Variants in ACYP2 observed in about 807,000 individuals in gnomAD.
ACYP2 encodes acylphosphatase-2.
In ACYP2, 12 loss-of-function variants were observed where a neutral mutation model predicts 11.2. That is an observed-to-expected ratio of 1.08 (90% confidence interval 0.69 to 1.74). The LOEUF (loss-of-function observed/expected upper bound fraction) is 1.74. Ranked by LOEUF, ACYP2 falls within the 40% of genes most tolerant of loss-of-function variation. The probability of loss-of-function intolerance (pLI) is 0.00; values close to 1 mark genes in which losing one functional copy is unlikely to be tolerated. For missense variants in ACYP2, 134 were observed against 101.9 expected (o/e 1.31, Z -1.35); for synonymous variants, 43 against 32.2 (o/e 1.33, Z -1.13).
chr2:54,138,185 G>A (rs1231065461), intron 5 of ACYP2, among the ~76,000 whole-genome samples: 2 of 152,024 alleles, frequency 1.3e-5, no homozygotes, highest in Non-Finnish European at 2.9e-5. Flanking sequence ...TCGAAGTGTT[G>A]TAGTCTCTAT....
At chr2:54,048,838 C>A (rs1191044869) in intron 2 of ACYP2, among the ~76,000 whole-genome samples, 1 of 152,158 alleles carries the variant, frequency 6.6e-6, no homozygotes. Flanking sequence ...CCAGGGACTG[C>A]ACTTTTAGGG....
intron 6 of ACYP2, among the ~76,000 whole-genome samples, chr2:54,198,769 A>G (rs1682108): frequency 0.59 from 89,759 of 152,052 alleles, 26,986 homozygotes; most frequent in African/African-American, 0.7. Flanking sequence ...GCTCATATCC[A>G]GAATCACTGA....
intron 4 of ACYP2, among the ~76,000 whole-genome samples, chr2:54,078,223 A>G (rs1013971853): frequency 7.9e-5 from 12 of 152,004 alleles, no homozygotes; most frequent in Non-Finnish European, 1.3e-4. Flanking sequence ...CTGGGATTAC[A>G]GGGGTGAGCC....
At chr2:54,121,245 A>T (rs899662817) in intron 4 of ACYP2, among the ~76,000 whole-genome samples, 1 of 152,174 alleles carries the variant, frequency 6.6e-6, no homozygotes, top group African/African-American at 2.4e-5. Flanking sequence ...GAAAGTGGAT[A>T]GCCATCTGTA....
chr2:54,017,272 CT>C (rs143681564), intron 2 of ACYP2, among the ~76,000 whole-genome samples: 28,829 of 122,152 alleles, frequency 0.24, 2,770 homozygotes, highest in African/African-American at 0.36. Context: ...CTTTTCTTTT[CT>C]TTTTTTTTTT....
In ACYP2 at chr2:54,265,475, G is replaced by A. The variant is rs569706149; in HGVS notation, c.405-39213G>A. Among the ~76,000 whole-genome samples, 16 of 152,256 alleles carry A rather than the reference G, an allele frequency of 1.1e-4. No homozygotes were observed. In the South Asian group the frequency reaches 3.1e-3, roughly 30 times the overall value. ...GAGCTTACAAGATGAGATATGGGTG[G>A]GGACACAGAGCCAAACCATATCAGC... is the stretch of plus-strand genomic sequence containing the variant. On this transcript the variant is annotated intron_variant, in intron 6 of 6. Coordinates refer to ENST00000607452, the MANE Select transcript of ACYP2 (RefSeq NM_001320586.2).
intron 6 of ACYP2, among the ~76,000 whole-genome samples, chr2:54,296,166 C>T (rs1018311530): frequency 1.3e-5 from 2 of 152,184 alleles, no homozygotes; most frequent in African/African-American, 4.8e-5. Flanking sequence ...TCGTTGACAT[C>T]ATGCATGCAA....
At chr2:54,296,676 T>C (rs1323576403) in intron 6 of ACYP2, among the ~76,000 whole-genome samples, 1 of 152,210 alleles carries the variant, frequency 6.6e-6, no homozygotes, top group Non-Finnish European at 1.5e-5. Context: ...AAAGGCAACA[T>C]GATTTTTGTA....
chr2:54,035,672 C>A (rs2104558244), intron 2 of ACYP2, among the ~76,000 whole-genome samples: 1 of 152,280 alleles, frequency 6.6e-6, no homozygotes. Context: ...TGACAAATTT[C>A]AGACAATTCT....
intron 6 of ACYP2, among the ~76,000 whole-genome samples, chr2:54,150,576 C>T (rs1158524503): frequency 6.6e-6 from 1 of 151,930 alleles, no homozygotes; most frequent in African/African-American, 2.4e-5. Context: ...CGTGGGCCAC[C>T]ATACGCAGCT....
chr2:54,287,311 T>C (rs1203540215), intron 6 of ACYP2, among the ~76,000 whole-genome samples: 1 of 151,974 alleles, frequency 6.6e-6, no homozygotes, highest in African/African-American at 2.4e-5. Flanking sequence ...TTTTTATAAG[T>C]GGCTAATCCC....
chr2:54,051,694 A>G, intron 3 of ACYP2: 1 of 643,104 alleles, frequency 1.6e-6, no homozygotes, highest in Non-Finnish European at 2.8e-6. Context: ...ATATTGAGCT[A>G]AAGGAAAGCC....
At chr2:54,070,382 C>T (rs1276827378) in intron 4 of ACYP2, among the ~76,000 whole-genome samples, 1 of 151,850 alleles carries the variant, frequency 6.6e-6, no homozygotes, top group Non-Finnish European at 1.5e-5. Flanking sequence ...AATTCTTATT[C>T]ATGTTAAATC....
At chr2:54,196,113 A>G (rs1684469440) in intron 6 of ACYP2, among the ~76,000 whole-genome samples, 2 of 152,152 alleles carry the variant, frequency 1.3e-5, no homozygotes, top group Admixed American at 6.6e-5. Context: ...TGTCATCTTA[A>G]TTAAAATTGG....
chr2:54,008,086 TTCAC>T (rs963468184), intron 2 of ACYP2, among the ~76,000 whole-genome samples: 1 of 152,106 alleles, frequency 6.6e-6, no homozygotes, highest in African/African-American at 2.4e-5. Context: ...CAAACGCAGT[TTCAC>T]TCACTCACCT....
At chr2:54,085,411 G>GGGGCAAATA (rs2103672311) in intron 4 of ACYP2, among the ~76,000 whole-genome samples, 1 of 152,286 alleles carries the variant, frequency 6.6e-6, no homozygotes, top group South Asian at 2.1e-4. Flanking sequence ...CATTAAACTG[G>GGGGCAAATA]AGTAAGGGGG....
intron 4 of ACYP2, among the ~76,000 whole-genome samples, chr2:54,099,534 T>G (rs1339254317): frequency 1.3e-5 from 2 of 152,204 alleles, no homozygotes; most frequent in African/African-American, 4.8e-5. Context: ...TCATGCGATA[T>G]TTGTCTTTCT....
In ACYP2 at chr2:54,115,496, G is replaced by C. The variant is rs192303414; in HGVS notation, c.278-19957G>C. 73 of 1,411,150 alleles carry C rather than the reference G, an allele frequency of 5.2e-5. No homozygotes were observed. In the African/African-American group the frequency reaches 9.0e-4, roughly 17 times the overall value. The allele number at this position is 1,411,150 out of a possible 1,614,324, so 87.4% of individuals were successfully genotyped here. Reference sequence around the variant, plus strand: ...GGGGCCCAGCGGCCTCTTCCCTCCTGGCGTCCCCGGCTGCCCTCGCTCCCA... The same window carrying C: ...GGGGCCCAGCGGCCTCTTCCCTCCTCGCGTCCCCGGCTGCCCTCGCTCCCA... On this transcript the variant is annotated intron_variant, in intron 4 of 6. Transcript: ENST00000607452.
chr2:54,095,447 C>T (rs1678479667), intron 4 of ACYP2, among the ~76,000 whole-genome samples: 1 of 152,044 alleles, frequency 6.6e-6, no homozygotes, highest in Non-Finnish European at 1.5e-5. Context: ...CTCCTCACTT[C>T]CCAGTAGGGG....
Sources: allele counts gnomAD v4.1 joint callset (sites outside exome capture counted in the v4.1 genomes callset), GRCh38; gene constraint gnomAD v4.1.1; transcripts MANE v1.5; gene names NCBI Gene and HGNC (gene_info 2026-07-23, HGNC 2026-07-21).